CPXM2: variants seen among roughly 807,000 people sequenced by gnomAD.
CPXM2 encodes the protein carboxypeptidase X, M14 family member 2, also known as inactive carboxypeptidase-like protein X2.
CPXM2 carries 66 observed loss-of-function variants against 86.1 expected under a neutral mutation model. The observed-to-expected ratio is 0.77, with a 90% confidence interval of 0.63 to 0.94. The LOEUF is 0.94. Ranked by LOEUF, CPXM2 falls within the 40% of genes least tolerant of loss-of-function variation. The pLI, the probability that CPXM2 is intolerant of heterozygous loss-of-function variation, is 0.00. For missense variants in CPXM2, 948 were observed against 1,026.3 expected (o/e 0.92, Z 1.04); for synonymous variants, 388 against 400.2 (o/e 0.97, Z 0.36).
rs1945160303 is a variant in CPXM2 at position 123,885,158 on chromosome 10, C to T, written c.305-4849G>A. Among the ~76,000 whole-genome samples the T allele has an allele frequency of 6.6e-6, 1 of 152,084 alleles. No homozygotes were observed. On this transcript the variant is annotated intron_variant, in intron 1 of 13. Transcript: ENST00000241305. The surrounding 1 kb of genome is among the most constrained non-coding windows in gnomAD (Gnocchi z 4.0). Reference sequence around the variant, plus strand: ...AGTTGAAGGGGAAACACCAATAACTCAGGCTGTGTTGTCTGGCAGGACTCA... The same window carrying T: ...AGTTGAAGGGGAAACACCAATAACTTAGGCTGTGTTGTCTGGCAGGACTCA...
Position 123,865,383 on chromosome 10 carries a change from T to C in CPXM2, c.404-2660A>G, listed in dbSNP as rs1343019908. 6.6e-6 allele frequency among the ~76,000 whole-genome samples: 1 copy of C among 152,158 alleles called. No individual in the cohort carries two copies. Among genetic ancestry groups the C allele is most frequent in the Non-Finnish European group, 1.5e-5 (1 of 68,026 alleles). ...GATCCGCCTGGGTTAGTGAGGGCCC[T>C]TTGGTTTTAAGAAACCTACCACAGC... is the stretch of plus-strand genomic sequence containing the variant. On this transcript the variant is annotated intron_variant, in intron 2 of 13. Transcript: ENST00000241305. This position sits in a 1 kb window ranked among gnomAD's most constrained non-coding sequence, Gnocchi z 4.7.
At chr10:123,792,404 GTTC>G (rs1847224612) in intron 6 of CPXM2, among the ~76,000 whole-genome samples, 1 of 152,196 alleles carries the variant, frequency 6.6e-6, no homozygotes, top group African/African-American at 2.4e-5. Flanking sequence ...GAGTAGCAGA[GTTC>G]TTCTCACGGA....
intron 3 of CPXM2, among the ~76,000 whole-genome samples, chr10:123,852,243 G>A (rs982470269): frequency 2.0e-5 from 3 of 152,076 alleles, no homozygotes; most frequent in Non-Finnish European, 4.4e-5. Context: ...TCCCAGGTGG[G>A]ATTTTTTTCA....
chr10:123,810,412 A>T (rs887732610), intron 4 of CPXM2, among the ~76,000 whole-genome samples: 4 of 152,098 alleles, frequency 2.6e-5, no homozygotes, highest in Non-Finnish European at 5.9e-5. Context: ...GAATATACAT[A>T]GAACTCAGAA....
chr10:123,871,181 C>T (rs1944890204), intron 2 of CPXM2, among the ~76,000 whole-genome samples: 1 of 152,212 alleles, frequency 6.6e-6, no homozygotes, highest in South Asian at 2.1e-4. Flanking sequence ...ACTCAACCCT[C>T]CCAGCCTACC....
At chr10:123,750,705 G>T in intron 13 of CPXM2, 1 of 985,240 alleles carries the variant, frequency 1.0e-6, no homozygotes, top group Non-Finnish European at 1.2e-6. Context: ...CAATAAGAAA[G>T]GTCAAAAGAA....
intron 3 of CPXM2, among the ~76,000 whole-genome samples, chr10:123,853,148 G>T (rs1848639579): frequency 6.6e-6 from 1 of 152,086 alleles, no homozygotes; most frequent in South Asian, 2.1e-4. Context: ...CCAGTCTTTT[G>T]CTCCTGCTAG....
rs1944825545 is a variant in CPXM2, at chr10:123,868,049, A to G, written c.404-5326T>C. 3.3e-5 allele frequency among the ~76,000 whole-genome samples: 5 copies of G among 152,334 alleles called. No individual in the cohort carries two copies. The South Asian group carries it at 1.0e-3, about 32-fold the overall frequency. On this transcript the variant is annotated intron_variant, in intron 2 of 13. Coordinates refer to ENST00000241305, the MANE Select transcript of CPXM2 (RefSeq NM_198148.3). ...AATGGTCTGGAGGCCTCAGAGCCAC[A>G]GGGGCTAGGGTAAAACATTTGAAAA...
At chr10:123,832,961 CAG>C (rs1254638554) in intron 4 of CPXM2, among the ~76,000 whole-genome samples, 3 of 152,160 alleles carry the variant, frequency 2.0e-5, no homozygotes, top group Non-Finnish European at 4.4e-5. Context: ...GAGGAGGACA[CAG>C]AGTTCATCCC....
chr10:123,880,145 T>TGGGGGGCCCCCCCCCCCCC, intron 2 of CPXM2, 66 bp downstream of exon 2: 1 of 407,578 alleles, frequency 2.5e-6, no homozygotes, highest in Non-Finnish European at 4.8e-6. Context: ...CAGGGGCCTG[T>TGGGGGGCCCCCCCCCCCCC]ACCCACCCAC....
chr10:123,844,964 A>C (rs1848468173), intron 3 of CPXM2, among the ~76,000 whole-genome samples: 1 of 151,464 alleles, frequency 6.6e-6, no homozygotes, highest in South Asian at 2.1e-4. Flanking sequence ...GCTACTCAGG[A>C]GGCTGAGGCA....
intron 4 of CPXM2, among the ~76,000 whole-genome samples, chr10:123,810,408 A>G (rs10794569): frequency 0.22 from 33,587 of 151,968 alleles, 4,259 homozygotes; most frequent in East Asian, 0.43. Flanking sequence ...TAATGAATAT[A>G]CATAGAACTC....
intron 6 of CPXM2, among the ~76,000 whole-genome samples, chr10:123,784,494 A>G (rs536620912): frequency 2.5e-4 from 38 of 151,788 alleles, no homozygotes; most frequent in African/African-American, 7.0e-4. Context: ...TTTTCTTTTG[A>G]CTCCTCAGAG....
At chr10:123,810,859 G>T (rs1847675523) in intron 4 of CPXM2, among the ~76,000 whole-genome samples, 1 of 151,992 alleles carries the variant, frequency 6.6e-6, no homozygotes, top group African/African-American at 2.4e-5. Context: ...ATGAGAAAAA[G>T]AAACAGTAGA....
intron 6 of CPXM2, among the ~76,000 whole-genome samples, chr10:123,781,449 C>T (rs796159763): frequency 4.6e-5 from 7 of 152,318 alleles, no homozygotes; most frequent in African/African-American, 1.7e-4. Flanking sequence ...CCCAGCCAGC[C>T]TGGTGGCATC....
At chr10:123,903,546 C>T (rs1012988965) in intron 2 of CPXM2, among the ~76,000 whole-genome samples, 5 of 152,240 alleles carry the variant, frequency 3.3e-5, no homozygotes, top group Non-Finnish European at 7.3e-5. Context: ...CCTGTCCTGT[C>T]CCGCCACCTT....
chr10:123,924,913 A>G (rs1435319473), intron 2 of CPXM2, among the ~76,000 whole-genome samples: 1 of 152,128 alleles, frequency 6.6e-6, no homozygotes, highest in East Asian at 1.9e-4. Context: ...TATTAGAACA[A>G]AAGACACTCC....
At chr10:123,747,115 C>T (rs1483084175) in intron 13 of CPXM2, 98 bp from the exon 14 acceptor site, 5 of 1,427,658 alleles carry the variant, frequency 3.5e-6, no homozygotes, top group Admixed American at 2.2e-5. Flanking sequence ...CAGAGAGAGA[C>T]TCTCAGGCTG....
chr10:123,773,350 G>A (rs1383336180), intron 7 of CPXM2, among the ~76,000 whole-genome samples: 7 of 151,818 alleles, frequency 4.6e-5, no homozygotes, highest in Non-Finnish European at 1.0e-4. Context: ...CTCCCTCATT[G>A]TGGTCATCAT....
Sources: allele counts gnomAD v4.1 joint callset (sites outside exome capture counted in the v4.1 genomes callset), GRCh38; gene constraint gnomAD v4.1.1; non-coding constraint Gnocchi (gnomAD v3.1); transcripts MANE v1.5; gene names NCBI Gene and HGNC (gene_info 2026-07-23, HGNC 2026-07-21).